MAPK14: variants seen among roughly 807,000 people sequenced by gnomAD.
MAPK14 encodes the protein mitogen-activated protein kinase 14.
Under a neutral mutation model 49.6 loss-of-function variants are expected in MAPK14, and 16 were observed. The observed-to-expected ratio is 0.32, with a 90% CI of 0.22 to 0.49. The LOEUF is 0.49. MAPK14 is among the 20% of genes least tolerant of loss of function. The pLI, the probability that MAPK14 is intolerant of heterozygous loss-of-function variation, is 0.99. For synonymous variants in MAPK14, 142 were observed against 158.0 expected (o/e 0.90, Z 0.76); for missense variants, 200 against 441.2 (o/e 0.45, Z 4.90).
At chr6:36,111,479 T>C (rs61764200), downstream of MAPK14, among the ~76,000 whole-genome samples, 1,198 of 152,346 alleles carry the variant, frequency 7.9e-3, 13 homozygotes, top group African/African-American at 0.028. Flanking sequence ...ATTATAAAAC[T>C]GCCAGAGAGA....
At chr6:36,102,760 T>C in intron 10 of MAPK14, 111 bp downstream of exon 10, 2 of 1,560,974 alleles carry the variant, frequency 1.3e-6, no homozygotes, top group Middle Eastern at 3.5e-4. Context: ...ATTAGTTGAA[T>C]CTTGGAAGGT....
intron 2 of MAPK14, 141 bp downstream of exon 2, chr6:36,052,969 T>G: frequency 2.0e-6 from 1 of 505,190 alleles, no homozygotes. Context: ...AGTGGCCACT[T>G]GGTTATGTCA....
chr6:36,033,258 TAAGA>T (rs1423528008), intron 1 of MAPK14, among the ~76,000 whole-genome samples: 6 of 152,138 alleles, frequency 3.9e-5, no homozygotes, highest in Non-Finnish European at 8.8e-5. Flanking sequence ...AAGATTGTTT[TAAGA>T]AAGAGTTCAT....
chr6:36,102,873 T>TG (rs1311565831), intron 10 of MAPK14: 2 of 257,126 alleles, frequency 7.8e-6, no homozygotes, highest in Non-Finnish European at 1.2e-5. Flanking sequence ...ATTGGGGGAA[T>TG]GGGCAGGTAC....
At chr6:36,087,875 A>T (rs1765050740) in intron 8 of MAPK14, among the ~76,000 whole-genome samples, 2 of 152,226 alleles carry the variant, frequency 1.3e-5, no homozygotes, top group Non-Finnish European at 2.9e-5. Context: ...ACACTACCTG[A>T]CTTCAAACTA....
chr6:36,121,786 C>G, the MAPK14 span, among the ~76,000 whole-genome samples: 1 of 152,166 alleles, frequency 6.6e-6, no homozygotes, highest in Non-Finnish European at 1.5e-5. Context: ...TAGCACTGAC[C>G]CTGGGCAAGA....
chr6:36,038,264 C>G (rs138078292), intron 1 of MAPK14, among the ~76,000 whole-genome samples: 22 of 152,234 alleles, frequency 1.4e-4, no homozygotes, highest in South Asian at 4.1e-4. Context: ...TGATAACATT[C>G]TAGGCTGAGG....
intron 3 of MAPK14, among the ~76,000 whole-genome samples, chr6:36,060,421 T>A (rs992021636): frequency 2.0e-5 from 3 of 152,236 alleles, no homozygotes; most frequent in Admixed American, 6.5e-5. Context: ...ATATACACTA[T>A]ACCATGAAAG....
chr6:36,108,616 G>C lies in MAPK14; in HGVS notation c.*169G>C. The C allele has an allele frequency of 1.6e-6, 1 of 629,108 alleles. No homozygotes were observed. Among genetic ancestry groups the C allele is most frequent in the Non-Finnish European group, 2.9e-6 (1 of 346,874 alleles). The allele number at this position is 629,108 out of a possible 1,614,324, so 39.0% of individuals were successfully genotyped here. A position where few individuals can be genotyped will look rare whatever the true frequency, so the allele number is the denominator to read the frequency against. On this transcript the variant is annotated 3_prime_UTR_variant, in exon 12 of 12. Coordinates refer to ENST00000229794, the MANE Select transcript of MAPK14 (RefSeq NM_139012.3). ...TTAGTGTGTGTGCATGTGTGTGTCT[G>C]TCTTTGTGGGAGGGTAAGACAATAT...
At chr6:36,032,985 T>A (rs1581723595) in intron 1 of MAPK14, among the ~76,000 whole-genome samples, 2 of 7,886 alleles carry the variant, frequency 2.5e-4, no homozygotes, top group African/African-American at 3.3e-4. Context: ...TTTAAATCTA[T>A]TTTTTTTTTT....
intron 1 of MAPK14, among the ~76,000 whole-genome samples, chr6:36,047,415 AG>A (rs1230704099): frequency 1.3e-5 from 2 of 152,214 alleles, no homozygotes; most frequent in Non-Finnish European, 2.9e-5. Context: ...AGAGTAGCAC[AG>A]GAACAGGTGG....
Position 36,028,194 on chromosome 6 carries a change from C to T in MAPK14, c.37C>T (p.Leu13=). 6.2e-7 allele frequency: 1 copy of T among 1,613,742 alleles called. No homozygotes were observed. The highest frequency in any genetic ancestry group is 8.5e-7 in the Non-Finnish European group (1 of 1,179,768). The change falls in exon 1 of 12, where the codon CTG becomes TTG. Residue 13 remains leucine (L), a synonymous_variant. Coordinates refer to ENST00000229794, the MANE Select transcript of MAPK14 (RefSeq NM_139012.3). This position sits in a 1 kb window ranked among gnomAD's most constrained non-coding sequence, Gnocchi z 5.1. ...QERPTFYRQE[L]NKTIWEVPER... ...GAGGCCCACGTTCTACCGGCAGGAGCTGAACAAGACAATCTGGGAGGTGCC... is the reference window on the plus strand; with the variant it reads ...GAGGCCCACGTTCTACCGGCAGGAGTTGAACAAGACAATCTGGGAGGTGCC...
At chr6:36,054,514 G>A (rs1231516836) in intron 2 of MAPK14, among the ~76,000 whole-genome samples, 1 of 152,050 alleles carries the variant, frequency 6.6e-6, no homozygotes, top group African/African-American at 2.4e-5. Flanking sequence ...TTTATATAAA[G>A]ATGTTTAAGT....
In MAPK14 at chr6:36,092,659, A is replaced by G. The variant is rs1279728346; in HGVS notation, c.683-3328A>G. The G allele has an allele frequency of 2.6e-5, 10 of 378,276 alleles. 1 individual carries two copies. In the Admixed American group the frequency reaches 3.6e-4, roughly 14 times the overall value. 23.4% of individuals were successfully genotyped at this position (378,276 alleles called of 1,614,324 possible). A position where few individuals can be genotyped will look rare whatever the true frequency, so the allele number is the denominator to read the frequency against. ...GTTCTTGGCTCTCCCTTTTCAAACTAGTCTTTACAGCCCTCAGGAGAGAAG... is the reference window on the plus strand; with the variant it reads ...GTTCTTGGCTCTCCCTTTTCAAACTGGTCTTTACAGCCCTCAGGAGAGAAG... On this transcript the variant is annotated intron_variant, in intron 8 of 11. Coordinates refer to ENST00000229794, the MANE Select transcript of MAPK14 (RefSeq NM_139012.3).
intron 8 of MAPK14, among the ~76,000 whole-genome samples, chr6:36,092,917 GGAAA>G (rs1765296062): frequency 6.6e-6 from 1 of 152,144 alleles, no homozygotes; most frequent in African/African-American, 2.4e-5. Flanking sequence ...CAGACTCAGT[GGAAA>G]GAGAGTTACA....
At chr6:36,102,256 T>C (rs1765663889) in intron 9 of MAPK14, among the ~76,000 whole-genome samples, 1 of 152,240 alleles carries the variant, frequency 6.6e-6, no homozygotes, top group South Asian at 2.1e-4. Context: ...TCAGGGCTAC[T>C]TCTTACATAT....
Position 36,027,966 on chromosome 6 carries a change from G to C in MAPK14, c.-192G>C. 2.3e-6 allele frequency: 1 copy of C among 438,246 alleles called. No individual in the cohort carries two copies. The highest frequency in any genetic ancestry group is 7.2e-5 in the South Asian group (1 of 13,968). The allele number at this position is 438,246 out of a possible 1,614,324, so 27.1% of individuals were successfully genotyped here. Reference sequence around the variant, plus strand: ...AGCGGGGCTTGCCCCAGTCGCAGGGGCACATCCAGCCGCTGCGGCTGACAG... The same window carrying C: ...AGCGGGGCTTGCCCCAGTCGCAGGGCCACATCCAGCCGCTGCGGCTGACAG... On this transcript the variant is annotated 5_prime_UTR_variant, in exon 1 of 12. Coordinates refer to ENST00000229794, the MANE Select transcript of MAPK14 (RefSeq NM_139012.3).
At chr6:36,079,984 C>T (rs2127449692) in intron 8 of MAPK14, among the ~76,000 whole-genome samples, 1 of 151,826 alleles carries the variant, frequency 6.6e-6, no homozygotes, top group South Asian at 2.1e-4. Context: ...TGCTTTGTTG[C>T]CCACGCTGGA....
At chr6:36,075,741 C>A in intron 6 of MAPK14, 107 bp from the exon 7 acceptor site, 1 of 1,472,756 alleles carries the variant, frequency 6.8e-7, no homozygotes, top group Non-Finnish European at 9.3e-7. Context: ...ATTTTGTTCT[C>A]CTTTTTAATA....
Sources: gnomAD v4.1 joint callset for allele counts (sites outside exome capture counted in the v4.1 genomes callset) on GRCh38, gnomAD v4.1.1 for gene constraint, Gnocchi (gnomAD v3.1) non-coding constraint, MANE v1.5 for transcripts, NCBI Gene and HGNC (gene_info 2026-07-23, HGNC 2026-07-21) for gene names.